The following CLEC16A variants were observed in gnomAD, a reference collection of about 807,000 sequenced individuals.
The protein encoded by CLEC16A is C-type lectin domain containing 16A.
CLEC16A carries 51 observed loss-of-function variants against 109.5 expected under a neutral mutation model. That is an observed-to-expected ratio of 0.47 (90% confidence interval 0.37 to 0.59). CLEC16A has a LOEUF of 0.59. CLEC16A is among the 20% of genes least tolerant of loss of function. The pLI is 0.00. For missense variants in CLEC16A, 1,339 were observed against 1,394.0 expected, an observed-to-expected ratio of 0.96 and a Z score of 0.63; for synonymous variants, 673 against 564.2, an observed-to-expected ratio of 1.19 and a Z score of -2.73.
chr16:11,049,296 G>T (rs564902420), intron 17 of CLEC16A, among the ~76,000 whole-genome samples: 8 of 151,978 alleles, frequency 5.3e-5, no homozygotes, highest in African/African-American at 1.9e-4. Flanking sequence ...GTGAGCCACC[G>T]CACCTGGCAA....
intron 4 of CLEC16A, 93 bp from the exon 5 acceptor site, chr16:10,971,032 T>TTTTGAAG: frequency 4.4e-6 from 3 of 676,020 alleles, no homozygotes; most frequent in South Asian, 4.5e-5. Flanking sequence ...TTTTGTCTTT[T>TTTTGAAG]TCTGAAGTCT....
chr16:11,118,372 CG>C (rs201499327), intron 19 of CLEC16A, among the ~76,000 whole-genome samples: 1 of 73,476 alleles, frequency 1.4e-5, no homozygotes, highest in African/African-American at 1.2e-4. Flanking sequence ...AGATAAGGGA[CG>C]TTAATTCTCA....
intron 19 of CLEC16A, among the ~76,000 whole-genome samples, chr16:11,099,571 C>A (rs1338800875): frequency 1.3e-5 from 2 of 152,254 alleles, no homozygotes; most frequent in African/African-American, 4.8e-5. Context: ...GCAGCGCTGT[C>A]TAGCAGGTGG....
intron 11 of CLEC16A, among the ~76,000 whole-genome samples, chr16:11,019,164 G>A (rs965618501): frequency 6.6e-6 from 1 of 152,124 alleles, no homozygotes; most frequent in African/African-American, 2.4e-5. Context: ...CGAAGGTGGG[G>A]AAAAAGATGT....
intron 18 of CLEC16A, 147 bp from the exon 19 acceptor site, chr16:11,060,755 C>A: frequency 3.9e-6 from 3 of 760,974 alleles, no homozygotes; most frequent in Non-Finnish European, 5.7e-6. Context: ...AAAGCACGTA[C>A]CAGAATCAAA....
intron 22 of CLEC16A, among the ~76,000 whole-genome samples, chr16:11,140,994 C>G (rs567463871): frequency 6.6e-6 from 1 of 152,314 alleles, no homozygotes; most frequent in Non-Finnish European, 1.5e-5. Flanking sequence ...TTCACGTTAT[C>G]GTAGTGTCAT....
intron 22 of CLEC16A, among the ~76,000 whole-genome samples, chr16:11,130,705 T>C (rs2053147296): frequency 6.6e-6 from 1 of 152,120 alleles, no homozygotes; most frequent in African/African-American, 2.4e-5. Context: ...CCCTCCACAA[T>C]GGTGCCCCTC....
intron 22 of CLEC16A, among the ~76,000 whole-genome samples, chr16:11,145,832 C>G (rs34361212): frequency 0.15 from 22,910 of 152,200 alleles, 2,201 homozygotes; most frequent in African/African-American, 0.27. Flanking sequence ...TGAGTCGGGT[C>G]AAGTGTCTCC....
chr16:11,018,278 GTCTC>G, intron 11 of CLEC16A, among the ~76,000 whole-genome samples: 1 of 140,352 alleles, frequency 7.1e-6, no homozygotes, highest in Non-Finnish European at 1.5e-5. Flanking sequence ...GCAAGACCCT[GTCTC>G]AAAAAAGAAA....
chr16:11,049,924 G>T (rs537757752), intron 17 of CLEC16A, among the ~76,000 whole-genome samples: 82 of 152,334 alleles, frequency 5.4e-4, no homozygotes, highest in African/African-American at 1.9e-3. Flanking sequence ...AGTACTTAAA[G>T]TGTCCAAAAG....
intron 18 of CLEC16A, among the ~76,000 whole-genome samples, chr16:11,054,217 G>A (rs945407754): frequency 6.6e-6 from 1 of 152,346 alleles, no homozygotes; most frequent in Non-Finnish European, 1.5e-5. Context: ...GGGGCAGATG[G>A]TCCTGATCCA....
intron 19 of CLEC16A, among the ~76,000 whole-genome samples, chr16:11,117,147 A>T (rs1185631432): frequency 6.6e-6 from 1 of 152,242 alleles, no homozygotes; most frequent in Non-Finnish European, 1.5e-5. Flanking sequence ...GGACATAAAG[A>T]TGGCAGCGAT....
intron 19 of CLEC16A, among the ~76,000 whole-genome samples, chr16:11,110,893 C>G (rs534585712): frequency 6.6e-6 from 1 of 152,246 alleles, no homozygotes; most frequent in Non-Finnish European, 1.5e-5. Flanking sequence ...TGCCGTGATA[C>G]TGCTCTTCAT....
At chr16:11,122,415 A>C (rs1429153689) in intron 20 of CLEC16A, among the ~76,000 whole-genome samples, 2 of 152,218 alleles carry the variant, frequency 1.3e-5, no homozygotes, top group Non-Finnish European at 1.5e-5. Context: ...AGTGTCAGGC[A>C]AGTGTTTTTC....
intron 11 of CLEC16A, among the ~76,000 whole-genome samples, chr16:11,009,659 A>G (rs2045278837): frequency 6.6e-6 from 1 of 152,226 alleles, no homozygotes; most frequent in African/African-American, 2.4e-5. Flanking sequence ...GCTGCCTGGC[A>G]TGGGAACTGA....
chr16:11,005,429 C>T (rs1435044688), intron 11 of CLEC16A, among the ~76,000 whole-genome samples: 1 of 152,198 alleles, frequency 6.6e-6, no homozygotes, highest in Admixed American at 6.5e-5. Flanking sequence ...TCCCCAGAGG[C>T]TTTGCTTGAA....
At chr16:11,133,572 G>A (rs1244622640) in intron 22 of CLEC16A, among the ~76,000 whole-genome samples, 6 of 152,140 alleles carry the variant, frequency 3.9e-5, no homozygotes, top group Non-Finnish European at 7.3e-5. Context: ...TGAGCTGACC[G>A]CAAAGCCTCT....
intron 19 of CLEC16A, among the ~76,000 whole-genome samples, chr16:11,109,569 C>G (rs939061470): frequency 4.6e-5 from 7 of 152,206 alleles, no homozygotes; most frequent in Admixed American, 3.9e-4. Flanking sequence ...GCACCACCCA[C>G]AGGCCACTGC....
intron 4 of CLEC16A, among the ~76,000 whole-genome samples, chr16:10,969,540 G>A (rs1031904662): frequency 6.6e-6 from 1 of 152,090 alleles, no homozygotes; most frequent in African/African-American, 2.4e-5. Flanking sequence ...TAGAGACAGG[G>A]TCTTACTATG....
Sources: allele counts gnomAD v4.1 joint callset (sites outside exome capture counted in the v4.1 genomes callset), GRCh38; gene constraint gnomAD v4.1.1; transcripts MANE v1.5; gene names NCBI Gene and HGNC (gene_info 2026-07-23, HGNC 2026-07-21).